Variants in RSRC1 observed in about 807,000 individuals in gnomAD.
RSRC1 encodes serine/Arginine-related protein 53.
RSRC1 carries 39 observed loss-of-function variants against 49.1 expected under a neutral mutation model. That is an observed-to-expected ratio of 0.79 (90% CI 0.61 to 1.04). The LOEUF is 1.04. Ranked by LOEUF, RSRC1 falls within the 50% of genes least tolerant of loss-of-function variation. The pLI, the probability that RSRC1 is intolerant of heterozygous loss-of-function variation, is 0.00. For synonymous variants in RSRC1, 143 were observed against 130.8 expected, an observed-to-expected ratio of 1.09 and a Z score of -0.63; for missense variants, 388 against 402.4, an observed-to-expected ratio of 0.96 and a Z score of 0.31.
intron 5 of RSRC1, among the ~76,000 whole-genome samples, chr3:158,326,945 G>C (rs1044322628): frequency 2.0e-5 from 3 of 152,056 alleles, no homozygotes; most frequent in Non-Finnish European, 4.4e-5. Context: ...AGTTCTTACT[G>C]GTTTAGTCTT....
intron 4 of RSRC1, among the ~76,000 whole-genome samples, chr3:158,235,630 A>C (rs1253543786): frequency 4.4e-5 from 6 of 135,272 alleles, no homozygotes; most frequent in Non-Finnish European, 9.5e-5. Context: ...ATTTTTACTT[A>C]AGATTAAATG....
At chr3:158,504,251 T>C (rs980524611) in intron 7 of RSRC1, among the ~76,000 whole-genome samples, 2 of 152,190 alleles carry the variant, frequency 1.3e-5, no homozygotes, top group Non-Finnish European at 2.9e-5. Flanking sequence ...GCAGGAGCAG[T>C]CAGCTTCCTT....
intron 4 of RSRC1, among the ~76,000 whole-genome samples, chr3:158,278,060 AACATC>A (rs1410019349): frequency 5.3e-5 from 8 of 152,174 alleles, no homozygotes; most frequent in African/African-American, 1.9e-4. Context: ...CCTAATGTGA[AACATC>A]ACAACTAGAC....
At chr3:158,487,946 C>CAAAAA (rs1303656428) in intron 7 of RSRC1, among the ~76,000 whole-genome samples, 4 of 11,482 alleles carry the variant, frequency 3.5e-4, no homozygotes, top group South Asian at 4.3e-3. Flanking sequence ...GACTCCATCT[C>CAAAAA]AAGAAAAAAA....
intron 4 of RSRC1, among the ~76,000 whole-genome samples, chr3:158,250,523 T>G (rs762978080): frequency 1.1e-4 from 16 of 152,206 alleles, no homozygotes; most frequent in Non-Finnish European, 1.6e-4. Context: ...TGGGGTGAGA[T>G]AATGTTTTGT....
chr3:158,200,098 C>A (rs150796274), intron 3 of RSRC1, among the ~76,000 whole-genome samples: 1 of 151,980 alleles, frequency 6.6e-6, no homozygotes, highest in Admixed American at 6.6e-5. Context: ...AGTGCAGTGG[C>A]GCTATCTTGG....
chr3:158,134,680 A>G (rs1488168575), intron 3 of RSRC1, among the ~76,000 whole-genome samples: 1 of 152,112 alleles, frequency 6.6e-6, no homozygotes, highest in African/African-American at 2.4e-5. Flanking sequence ...GATTAGTCTG[A>G]CTTTTGTCCT....
chr3:158,204,172 AATT>A (rs1249181237), intron 4 of RSRC1, among the ~76,000 whole-genome samples: 1 of 152,154 alleles, frequency 6.6e-6, no homozygotes, highest in Non-Finnish European at 1.5e-5. Context: ...TTCTATAAAG[AATT>A]ATTAAGTTTA....
chr3:158,487,835 A>C (rs1367440117), intron 7 of RSRC1, among the ~76,000 whole-genome samples: 1 of 150,966 alleles, frequency 6.6e-6, no homozygotes, highest in South Asian at 2.1e-4. Flanking sequence ...CTGTAATCCC[A>C]GCTACTCAGG....
intron 7 of RSRC1, among the ~76,000 whole-genome samples, chr3:158,522,770 A>G (rs1711773265): frequency 6.6e-6 from 1 of 152,014 alleles, no homozygotes. Context: ...CTCATGGTTC[A>G]GACTCTTAAA....
intron 4 of RSRC1, among the ~76,000 whole-genome samples, chr3:158,222,822 T>C (rs1030448001): frequency 1.3e-5 from 2 of 151,672 alleles, no homozygotes; most frequent in Admixed American, 1.3e-4. Context: ...CTAACTGTGC[T>C]CTGTTCAACA....
At position 158,543,392 on chromosome 3, in the gene RSRC1, G is replaced by T. The variant is rs1243518199; in HGVS notation, c.817G>T (p.Val273Phe). The change falls in exon 9 of 10, where the codon GTT becomes TTT. Residue 273 changes from valine (V) to phenylalanine (F), a missense_variant. Transcript: ENST00000611884. The stretch of plus-strand genomic sequence containing the variant: ...TTCAACATCAGGACCAGCATCAGCA[G>T]TTGCTGATCCACCCAGTACTGAAAA... ...ATSTSGPASA[V>F]ADPPSTEKEI... 1.2e-6 allele frequency: 2 copies of T among 1,601,574 alleles called. No individual in the cohort carries two copies. The highest frequency in any genetic ancestry group is 1.7e-5 in the Admixed American group (1 of 58,044).
chr3:158,234,090 C>G (rs1350630243), intron 4 of RSRC1, among the ~76,000 whole-genome samples: 1 of 152,092 alleles, frequency 6.6e-6, no homozygotes, highest in Non-Finnish European at 1.5e-5. Context: ...AGTGAGACAC[C>G]TTACTGTAGC....
At position 158,543,224 on chromosome 3, in the gene RSRC1, A is replaced by G. The variant is rs778524427; in HGVS notation, c.760-111A>G. On this transcript the variant is annotated intron_variant, in intron 8 of 9. Transcript: ENST00000611884. ...AAGTAGGGCCTTTTTGGAGATGGGT[A>G]TCATCTCAAAGGAGACTAATTGAAC... 5.8e-4 allele frequency: 481 copies of G among 825,182 alleles called. 3 individuals are homozygous for G. Among genetic ancestry groups the G allele is most frequent in the Middle Eastern group, 5.2e-3 (15 of 2,886 alleles). 51.1% of individuals were successfully genotyped at this position (825,182 alleles called of 1,614,324 possible). A position where few individuals can be genotyped will look rare whatever the true frequency, so the allele number is the denominator to read the frequency against.
At chr3:158,509,490 A>G (rs1344464715) in intron 7 of RSRC1, among the ~76,000 whole-genome samples, 3 of 152,170 alleles carry the variant, frequency 2.0e-5, no homozygotes, top group African/African-American at 4.8e-5. Context: ...TATATTACCA[A>G]TAATATAACA....
intron 4 of RSRC1, among the ~76,000 whole-genome samples, chr3:158,274,008 T>C (rs1725666153): frequency 6.6e-6 from 1 of 152,148 alleles, no homozygotes; most frequent in Non-Finnish European, 1.5e-5. Flanking sequence ...AATGACCCTA[T>C]AAAATAACTT....
At chr3:158,454,135 A>C (rs60921365) in intron 6 of RSRC1, among the ~76,000 whole-genome samples, 20,497 of 151,916 alleles carry the variant, frequency 0.13, 1,514 homozygotes, top group Middle Eastern at 0.2. Context: ...AGTTCTGAGG[A>C]AATCTATTTA....
chr3:158,299,607 A>G (rs1227111479), intron 5 of RSRC1, among the ~76,000 whole-genome samples: 1 of 152,156 alleles, frequency 6.6e-6, no homozygotes, highest in Non-Finnish European at 1.5e-5. Flanking sequence ...AAATGCTGGA[A>G]TTACAGGCGT....
chr3:158,533,432 C>G (rs1243789514), intron 7 of RSRC1, among the ~76,000 whole-genome samples: 2 of 151,524 alleles, frequency 1.3e-5, no homozygotes, highest in Non-Finnish European at 1.5e-5. Context: ...TATAATTTTT[C>G]CAATGCTATT....
Sources: gnomAD v4.1 joint callset for allele counts (sites outside exome capture counted in the v4.1 genomes callset) on GRCh38, gnomAD v4.1.1 for gene constraint, MANE v1.5 for transcripts, NCBI Gene and HGNC (gene_info 2026-07-23, HGNC 2026-07-21) for gene names.